The following BRI3 variants were observed in gnomAD, a reference collection of about 807,000 sequenced individuals.
BRI3 encodes brain protein I3.
A neutral mutation model predicts 12.8 loss-of-function variants in BRI3; 6 were observed. That is an observed-to-expected ratio of 0.47 (90% CI 0.26 to 0.93). The LOEUF (loss-of-function observed/expected upper bound fraction) is 0.93, where lower values mean the gene tolerates loss of function less well. BRI3 is among the 40% of genes least tolerant of loss of function. The probability of loss-of-function intolerance (pLI) is 0.15; values close to 1 mark genes in which losing one functional copy is unlikely to be tolerated. For synonymous variants in BRI3, 91 were observed against 76.1 expected (o/e 1.20, Z -1.02); for missense variants, 134 against 171.1 (o/e 0.78, Z 1.21).
upstream of BRI3, among the ~76,000 whole-genome samples, chr7:98,302,229 T>C (rs1165449014): frequency 6.6e-6 from 1 of 152,204 alleles, no homozygotes; most frequent in East Asian, 1.9e-4. Flanking sequence ...GACAGTACTT[T>C]CTTCACCAAG....
At chr7:98,316,341 T>C in the BRI3 span, among the ~76,000 whole-genome samples, 1 of 152,150 alleles carries the variant, frequency 6.6e-6, no homozygotes, top group Middle Eastern at 3.2e-3. Flanking sequence ...TAATAAAATA[T>C]GATTTAACCT....
upstream of BRI3, among the ~76,000 whole-genome samples, chr7:98,301,765 C>G (rs895633954): frequency 6.6e-6 from 1 of 152,006 alleles, no homozygotes; most frequent in African/African-American, 2.4e-5. Flanking sequence ...GTGGAGGCAG[C>G]CGGGGACTGG....
intron 1 of BRI3, among the ~76,000 whole-genome samples, chr7:98,298,690 C>T (rs1285055357): frequency 1.3e-5 from 2 of 152,186 alleles, no homozygotes; most frequent in Admixed American, 6.5e-5. Flanking sequence ...TATAACACAG[C>T]TTTCCCCAAC....
At chr7:98,305,058 T>TG (rs1414695669), upstream of BRI3, among the ~76,000 whole-genome samples, 1 of 145,794 alleles carries the variant, frequency 6.9e-6, no homozygotes, top group Non-Finnish European at 1.5e-5. Context: ...TTTTTTTTTT[T>TG]TTTTTTTTTT....
downstream of BRI3, among the ~76,000 whole-genome samples, chr7:98,314,175 G>T (rs1287189851): frequency 2.0e-5 from 3 of 151,630 alleles, no homozygotes; most frequent in Non-Finnish European, 4.4e-5. Context: ...TAGAGACAGG[G>T]TTTCACCATG....
intron 1 of BRI3, 67 bp from the exon 2 acceptor site, chr7:98,282,284 T>A: frequency 7.6e-7 from 1 of 1,324,254 alleles, no homozygotes; most frequent in Admixed American, 1.7e-5. Flanking sequence ...GGGGACAGGA[T>A]GAGTAGTCCC....
chr7:98,302,655 T>A (rs113548575), upstream of BRI3, among the ~76,000 whole-genome samples: 25 of 152,328 alleles, frequency 1.6e-4, 1 homozygote, highest in African/African-American at 6.0e-4. Flanking sequence ...AATGACTGGT[T>A]CTTCTACAAA....
downstream of BRI3, among the ~76,000 whole-genome samples, chr7:98,310,853 T>C (rs1415317103): frequency 6.6e-6 from 1 of 152,002 alleles, no homozygotes; most frequent in Non-Finnish European, 1.5e-5. Flanking sequence ...ATCTGGCTAT[T>C]TTTTGTATTT....
At chr7:98,293,560 C>A, downstream of BRI3, 1 of 1,613,860 alleles carries the variant, frequency 6.2e-7, no homozygotes, top group Non-Finnish European at 8.5e-7. Context: ...TCGTCACAGT[C>A]GGGCGGAGTT....
rs147696417 is a variant in BRI3 at position 98,282,361 on chromosome 7, C to G, written c.153C>G (p.Thr51=). Residue 51 remains threonine (T), a synonymous_variant, in exon 2 of 3, where the codon ACC becomes ACG. Coordinates refer to ENST00000297290, the MANE Select transcript of BRI3 (RefSeq NM_015379.5). ...PYPYLVTGIP[T]HHPRVYNIHS... ...CTTTCCCGCCCACAGGGATACCCAC[C>G]CACCATCCCAGGGTCTACAACATCC... 1.1e-5 allele frequency: 18 copies of G among 1,613,814 alleles called. No individual in the cohort carries two copies. The African/African-American group carries it at 2.4e-4, about 22-fold the overall frequency.
chr7:98,293,499 G>A (rs779072823), downstream of BRI3: 39 of 1,606,534 alleles, frequency 2.4e-5, 1 homozygote, highest in South Asian at 1.9e-4. Flanking sequence ...GGAGAGGCCC[G>A]GGAGAGTCCT....
chr7:98,293,851 T>C (rs1013923668), downstream of BRI3, among the ~76,000 whole-genome samples: 1 of 152,220 alleles, frequency 6.6e-6, no homozygotes, highest in South Asian at 2.1e-4. Flanking sequence ...TAGTCCTGCA[T>C]TGTGTGTGAC....
the BRI3 span, chr7:98,317,359 G>A: frequency 1.2e-6 from 2 of 1,613,268 alleles, no homozygotes; most frequent in Non-Finnish European, 8.5e-7. Context: ...AGAGTTGCCT[G>A]TAAGTTAAAT....
chr7:98,304,521 C>T, upstream of BRI3: 4 of 834,026 alleles, frequency 4.8e-6, no homozygotes, highest in East Asian at 5.5e-5. Context: ...CAGACACACA[C>T]AGTACATATA....
At chr7:98,283,684 C>T (rs1430105127) in intron 2 of BRI3, among the ~76,000 whole-genome samples, 6 of 152,286 alleles carry the variant, frequency 3.9e-5, no homozygotes, top group South Asian at 2.1e-4. Context: ...GCCTGCGTGT[C>T]ATTGTCCATG....
intron 2 of BRI3, chr7:98,283,134 GATTA>G (rs1799588089): frequency 1.3e-5 from 2 of 152,150 alleles, no homozygotes; most frequent in South Asian, 4.1e-4. Flanking sequence ...TTTAAATAAG[GATTA>G]ATTAAATATA....
At chr7:98,303,913 A>C (rs1800528299), upstream of BRI3, among the ~76,000 whole-genome samples, 1 of 152,230 alleles carries the variant, frequency 6.6e-6, no homozygotes, top group Non-Finnish European at 1.5e-5. Context: ...AAAGATAAGA[A>C]ACCTAATAAA....
rs746122454 is a variant in BRI3, at chr7:98,306,565, C to T, written n.44C>T. 37 of 1,613,340 alleles carry T rather than the reference C, an allele frequency of 2.3e-5. No homozygotes were observed. The Admixed American group carries it at 2.5e-4, about 11-fold the overall frequency. On this transcript the variant is annotated non_coding_transcript_exon_variant, in exon 1 of 2. Transcript: ENST00000485422. ...ACCCTATCAGCAGTAGACATGTGGA[C>T]GGCAACCTCCCTGAACAACCTGGTG...
downstream of BRI3, among the ~76,000 whole-genome samples, chr7:98,295,909 G>C (rs979261194): frequency 1.3e-5 from 2 of 152,214 alleles, no homozygotes; most frequent in Non-Finnish European, 2.9e-5. Context: ...TAAGATGACA[G>C]CTGGAAGCCA....
Sources: gnomAD v4.1 joint callset for allele counts (sites outside exome capture counted in the v4.1 genomes callset) on GRCh38, gnomAD v4.1.1 for gene constraint, MANE v1.5 for transcripts, NCBI Gene and HGNC (gene_info 2026-07-23, HGNC 2026-07-21) for gene names.